The following HDGFL3 variants were observed in gnomAD, a reference collection of about 807,000 sequenced individuals.
The protein encoded by HDGFL3 is hepatoma-derived growth factor-related protein 3.
In HDGFL3, 6 loss-of-function variants were observed where a neutral mutation model predicts 27.6. The observed-to-expected ratio is 0.22, with a 90% confidence interval of 0.12 to 0.43. HDGFL3 has a LOEUF of 0.43. Among genes scored for constraint, HDGFL3 ranks in the 20% least tolerant of loss-of-function variants. The pLI, the probability that HDGFL3 is intolerant of heterozygous loss-of-function variation, is 1.00. For synonymous variants in HDGFL3, 88 were observed against 88.9 expected, an observed-to-expected ratio of 0.99 and a Z score of 0.05; for missense variants, 207 against 250.1, an observed-to-expected ratio of 0.83 and a Z score of 1.16.
chr15:83,142,842 A>C (rs1190131706), intron 5 of HDGFL3, among the ~76,000 whole-genome samples: 1 of 152,220 alleles, frequency 6.6e-6, no homozygotes, highest in African/African-American at 2.4e-5. Flanking sequence ...ATTTGCAAAA[A>C]TGTAAAAATG....
chr15:83,199,915 G>C (rs936821782), intron 1 of HDGFL3, among the ~76,000 whole-genome samples: 2 of 151,686 alleles, frequency 1.3e-5, no homozygotes, highest in African/African-American at 4.8e-5. Flanking sequence ...GCATGGTGGT[G>C]GGCACCTGTA....
Position 83,190,509 on chromosome 15 carries a change from G to A in HDGFL3, c.84+16822C>T, listed in dbSNP as rs1451158718. On this transcript the variant is annotated intron_variant, in intron 1 of 5. Coordinates refer to ENST00000299633, the MANE Select transcript of HDGFL3 (RefSeq NM_016073.4). ...TTTTAATTTTTGGCAGTCTCATATT[G>A]ATCTTACTTTGCATTTCCCGATTAC... Among the ~76,000 whole-genome samples the A allele has an allele frequency of 2.0e-5, 3 of 152,052 alleles. No individual in the cohort carries two copies. The East Asian group carries it at 5.8e-4, about 29-fold the overall frequency.
At chr15:83,185,489 G>A (rs2037431461) in intron 1 of HDGFL3, among the ~76,000 whole-genome samples, 1 of 152,144 alleles carries the variant, frequency 6.6e-6, no homozygotes, top group Admixed American at 6.5e-5. Flanking sequence ...GTTTCTTGTG[G>A]TAAAGAAGTT....
At chr15:83,199,425 T>C (rs970095464) in intron 1 of HDGFL3, among the ~76,000 whole-genome samples, 3 of 152,232 alleles carry the variant, frequency 2.0e-5, no homozygotes, top group Admixed American at 2.0e-4. Context: ...CATTTTTATA[T>C]GTGCTAACCA....
chr15:83,160,077 TG>T (rs1475202645), intron 2 of HDGFL3, among the ~76,000 whole-genome samples: 4 of 152,136 alleles, frequency 2.6e-5, no homozygotes, highest in Non-Finnish European at 4.4e-5. Context: ...GCAGTACTGT[TG>T]GTAAGAAGTG....
rs2036488630 is a variant in HDGFL3, at chr15:83,134,583, G to T, written c.*4687C>A. On this transcript the variant is annotated 3_prime_UTR_variant, in exon 6 of 6. Transcript: ENST00000299633. ...ATGAAAGTGAGGTATTAACTGCACT[G>T]GTTAGTGCAGGAAAAGAGCCTACGG... The T allele has an allele frequency of 6.6e-6, 1 of 152,192 alleles. No individual in the cohort carries two copies. The highest frequency in any genetic ancestry group is 2.4e-5 in the African/African-American group (1 of 41,444). The allele number at this position is 152,192 out of a possible 1,614,324, so 9.4% of individuals were successfully genotyped here.
intron 1 of HDGFL3, among the ~76,000 whole-genome samples, chr15:83,188,426 G>T (rs1238179930): frequency 6.6e-6 from 1 of 152,034 alleles, no homozygotes; most frequent in African/African-American, 2.4e-5. Flanking sequence ...GCTAATTTTT[G>T]TATGTTTTGG....
At chr15:83,157,840 T>C (rs749334204) in intron 3 of HDGFL3, 63 bp downstream of exon 3, 41 of 1,471,642 alleles carry the variant, frequency 2.8e-5, no homozygotes, top group Non-Finnish European at 3.4e-5. Context: ...ATAAGAAAGA[T>C]TTGAAAAAGC....
chr15:83,175,469 T>C (rs1239499961), intron 1 of HDGFL3, among the ~76,000 whole-genome samples: 1 of 152,248 alleles, frequency 6.6e-6, no homozygotes, highest in Admixed American at 6.5e-5. Flanking sequence ...GGAGTGATTA[T>C]CAAGTGGCAA....
rs944733243 is a variant in HDGFL3 at position 83,135,489 on chromosome 15, C to T, written c.*3781G>A. The T allele has an allele frequency of 5.9e-5, 9 of 152,124 alleles. No homozygotes were observed. Among genetic ancestry groups the T allele is most frequent in the Non-Finnish European group, 1.0e-4 (7 of 68,020 alleles). The allele number at this position is 152,124 out of a possible 1,614,324, so 9.4% of individuals were successfully genotyped here. On this transcript the variant is annotated 3_prime_UTR_variant, in exon 6 of 6. Transcript: ENST00000299633. ...TTCCCAATCCTTTATTCATGTGTAT[C>T]TTGAATTTCAGCAAGATATGAAAAT...
intron 1 of HDGFL3, among the ~76,000 whole-genome samples, chr15:83,190,379 AG>A (rs1236844489): frequency 6.6e-6 from 1 of 152,178 alleles, no homozygotes; most frequent in Non-Finnish European, 1.5e-5. Flanking sequence ...TACAACATAA[AG>A]TGAAATTGTT....
At position 83,139,182 on chromosome 15, in the gene HDGFL3, T is replaced by C. The variant is rs1567163974; in HGVS notation, c.*88A>G. ...TGTCAATGACAACAAGGACTATGTG[T>C]TGGTTCATATCAAATCCAAGAATAT... On this transcript the variant is annotated 3_prime_UTR_variant, in exon 6 of 6. Transcript: ENST00000299633. The C allele has an allele frequency of 2.4e-6, 2 of 833,146 alleles. No individual in the cohort carries two copies. Among genetic ancestry groups the C allele is most frequent in the Non-Finnish European group, 3.5e-6 (2 of 573,736 alleles). The allele number at this position is 833,146 out of a possible 1,614,324, so 51.6% of individuals were successfully genotyped here. A position where few individuals can be genotyped will look rare whatever the true frequency, so the allele number is the denominator to read the frequency against.
intron 1 of HDGFL3, among the ~76,000 whole-genome samples, chr15:83,191,170 T>A (rs1326632384): frequency 6.6e-6 from 1 of 152,194 alleles, no homozygotes; most frequent in Non-Finnish European, 1.5e-5. Flanking sequence ...TTAATTACTA[T>A]TTGAACAATT....
rs765582652 is a variant in HDGFL3 at position 83,195,649 on chromosome 15, G to A, written c.84+11682C>T. On this transcript the variant is annotated intron_variant, in intron 1 of 5. Coordinates refer to ENST00000299633, the MANE Select transcript of HDGFL3 (RefSeq NM_016073.4). ...AGAACATTAATGTTACCCAATTCAC[G>A]TAGTTCTACCTTCACATGGAAATAA... is the stretch of plus-strand genomic sequence containing the variant. Among the ~76,000 whole-genome samples the A allele has an allele frequency of 3.3e-5, 5 of 151,928 alleles. No homozygotes were observed. The South Asian group carries it at 8.3e-4, about 25-fold the overall frequency.
intron 1 of HDGFL3, among the ~76,000 whole-genome samples, chr15:83,188,621 G>A (rs910527431): frequency 2.0e-5 from 3 of 152,074 alleles, no homozygotes; most frequent in Non-Finnish European, 2.9e-5. Context: ...ATCCATTGAC[G>A]TATTTTCTTC....
chr15:83,141,283 A>C (rs1047313232), intron 5 of HDGFL3, among the ~76,000 whole-genome samples: 37 of 152,130 alleles, frequency 2.4e-4, no homozygotes, highest in African/African-American at 8.0e-4. Flanking sequence ...CTCTGGAGGT[A>C]TCTAAATGTG....
rs555580541 is a variant in HDGFL3, at chr15:83,183,959, A to C, written c.85-19884T>G. On this transcript the variant is annotated intron_variant, in intron 1 of 5. Coordinates refer to ENST00000299633, the MANE Select transcript of HDGFL3 (RefSeq NM_016073.4). ...CCTAGTTATATGCAAGATTTTATAT[A>C]TTTCATTTTAATGGGAAAAGAATTC... is the stretch of plus-strand genomic sequence containing the variant. Among the ~76,000 whole-genome samples, 3 of 152,200 alleles carry C rather than the reference A, an allele frequency of 2.0e-5. No individual in the cohort carries two copies. In the South Asian group the frequency reaches 6.2e-4, roughly 32 times the overall value.
chr15:83,207,703 GC>G lies in HDGFL3; in HGVS notation c.-290del. 2 of 153,136 alleles carry G rather than the reference GC, an allele frequency of 1.3e-5. No homozygotes were observed. Among genetic ancestry groups the G allele is most frequent in the Non-Finnish European group, 2.8e-5 (2 of 71,204 alleles). The allele number at this position is 153,136 out of a possible 1,614,324, so 9.5% of individuals were successfully genotyped here. A position where few individuals can be genotyped will look rare whatever the true frequency, so the allele number is the denominator to read the frequency against. On this transcript the variant is annotated 5_prime_UTR_variant, in exon 1 of 6. Transcript: ENST00000299633. This position sits in a 1 kb window ranked among gnomAD's most constrained non-coding sequence, Gnocchi z 4.8. ...GGTCCCCGCCGCCGCCGCCGCCGCC[GC>G]CGCGCGCGCTGCTCACCAGCGCCGC...
At chr15:83,179,255 A>C (rs1242355766) in intron 1 of HDGFL3, 2 of 152,244 alleles carry the variant, frequency 1.3e-5, no homozygotes, top group Non-Finnish European at 2.9e-5. Flanking sequence ...CTGAGCTGTG[A>C]GTATATGTAA....
Sources: gnomAD v4.1 joint callset for allele counts (sites outside exome capture counted in the v4.1 genomes callset) on GRCh38, gnomAD v4.1.1 for gene constraint, Gnocchi (gnomAD v3.1) non-coding constraint, MANE v1.5 for transcripts, NCBI Gene and HGNC (gene_info 2026-07-23, HGNC 2026-07-21) for gene names.